Variants in SYNE1 observed in about 807,000 individuals in gnomAD.
The protein encoded by SYNE1 is spectrin repeat containing nuclear envelope protein 1.
A neutral mutation model predicts 1,111.0 loss-of-function variants in SYNE1; 616 were observed. The ratio of observed to expected loss-of-function variants is 0.55; its 90% CI spans 0.52 to 0.59. The LOEUF is 0.59. Among genes scored for constraint, SYNE1 ranks in the 20% least tolerant of loss-of-function variants. SYNE1 has a pLI of 0.00. For synonymous variants in SYNE1, 3,855 were observed against 3,825.8 expected (o/e 1.01, Z -0.28); for missense variants, 10,006 against 10,417.0 (o/e 0.96, Z 1.72).
intron 14 of SYNE1, among the ~76,000 whole-genome samples, chr6:152,480,181 C>A (rs1360531491): frequency 1.3e-5 from 2 of 152,184 alleles, no homozygotes; most frequent in African/African-American, 4.8e-5. Context: ...AATCGAGAGA[C>A]TGAGTTGGTG....
intron 82 of SYNE1, 110 bp downstream of exon 82, chr6:152,323,368 G>A: frequency 1.3e-6 from 2 of 1,499,624 alleles, no homozygotes; most frequent in Non-Finnish European, 1.8e-6. Flanking sequence ...GAACCCGGGA[G>A]GCGGAGCTTG....
At chr6:152,436,168 G>T in intron 32 of SYNE1, 67 bp from the exon 33 acceptor site, 1 of 1,533,964 alleles carries the variant, frequency 6.5e-7, no homozygotes, top group Non-Finnish European at 8.9e-7. Flanking sequence ...CAAATAAAGT[G>T]CACATATTGC....
At chr6:152,536,389 T>TAAATATATATTACTATATATAG (rs1564709644) in intron 4 of SYNE1, among the ~76,000 whole-genome samples, 1 of 84,942 alleles carries the variant, frequency 1.2e-5, no homozygotes, top group Non-Finnish European at 2.9e-5. Flanking sequence ...TATATATATA[T>TAAATATATATTACTATATATAG]TTATATATAT....
intron 137 of SYNE1, chr6:152,145,621 A>C (rs1400567865): frequency 7.0e-7 from 1 of 1,438,668 alleles, no homozygotes; most frequent in Non-Finnish European, 9.8e-7. Flanking sequence ...TTGTGCAGGA[A>C]AATAACTTTC....
At chr6:152,149,954 G>T (rs749868693) in intron 135 of SYNE1, among the ~76,000 whole-genome samples, 1 of 152,010 alleles carries the variant, frequency 6.6e-6, no homozygotes, top group Non-Finnish European at 1.5e-5. Flanking sequence ...GAATAACAGG[G>T]GAAAATATTC....
Position 152,455,911 on chromosome 6 carries a change from A to G in SYNE1, c.2702T>C (p.Ile901Thr). Residue 901 changes from isoleucine (I) to threonine (T), a missense_variant, in exon 23 of 146, where the codon ATT becomes ACT. By Grantham distance (89) the Ile-to-Thr change is moderately conservative. Transcript: ENST00000367255. ...CTGAAAAGCAACATGAATATCTGCA[A>G]TCTGTCTTTGTAGCCTCGTCTGATC... ...HFDQTRLQRQ[I>T]ADIHVAFQSM... The G allele has an allele frequency of 6.2e-7, 1 of 1,614,108 alleles. No individual in the cohort carries two copies. The highest frequency in any genetic ancestry group is 8.5e-7 in the Non-Finnish European group (1 of 1,179,990).
Position 152,255,762 on chromosome 6 carries a change from CA to C in SYNE1, c.19105-17del. 1 of 1,614,088 alleles carries C rather than the reference CA, an allele frequency of 6.2e-7. No homozygotes were observed. The highest frequency in any genetic ancestry group is 1.1e-5 in the South Asian group (1 of 91,084). ...CCCCTCCACTCTGGGAAACACAAAA[CA>C]GGGTCAAATAATCAATTTCAGTGTT... On this transcript the variant is annotated splice_polypyrimidine_tract_variant and intron_variant, in intron 102 of 145. Transcript: ENST00000367255.
At chr6:152,604,380 G>A (rs570206239) in intron 3 of SYNE1, among the ~76,000 whole-genome samples, 462 of 152,110 alleles carry the variant, frequency 3.0e-3, no homozygotes, top group Non-Finnish European at 5.4e-3. Context: ...ACAGCTCACC[G>A]CAGCCTTGAC....
At chr6:152,380,218 G>A (rs573088308) in intron 56 of SYNE1, among the ~76,000 whole-genome samples, 1 of 152,298 alleles carries the variant, frequency 6.6e-6, no homozygotes, top group South Asian at 2.1e-4. Flanking sequence ...TTACTGGCAG[G>A]AGCTATTTTG....
At position 152,231,468 on chromosome 6, in the gene SYNE1, C is replaced by T; in HGVS notation, c.20962G>A (p.Asp6988Asn). 4 of 1,614,142 alleles carry T rather than the reference C, an allele frequency of 2.5e-6. No individual in the cohort carries two copies. The highest frequency in any genetic ancestry group is 3.4e-6 in the Non-Finnish European group (4 of 1,180,038). The change falls in exon 114 of 146, where the codon GAT becomes AAT. Residue 6988 changes from aspartate to asparagine, a missense_variant. By Grantham distance (23) the Asp-to-Asn change is conservative. Transcript: ENST00000367255. ...AGTTGCTCAGCAAAATCAGTCTTAT[C>T]ACTACGCTTACTTTCCACATCCTGA... is the stretch of plus-strand genomic sequence containing the variant. ...SSQDVESKRS[D>N]KTDFAEQLGA...
At chr6:152,233,002 G>A (rs999355637) in intron 112 of SYNE1, among the ~76,000 whole-genome samples, 2 of 152,230 alleles carry the variant, frequency 1.3e-5, no homozygotes, top group African/African-American at 4.8e-5. Flanking sequence ...CTGAAACACA[G>A]TGATGAGTGT....
chr6:152,221,030 C>T lies in SYNE1; in HGVS notation c.21673G>A (p.Glu7225Lys). 2 of 1,614,074 alleles carry T rather than the reference C, an allele frequency of 1.2e-6. No homozygotes were observed. The highest frequency in any genetic ancestry group is 2.2e-5 in the East Asian group (1 of 44,866). ...GACTGTAGCTGCTCAGCAATCTCTT[C>T]CAGCAAGTTATTCCATCTGGAAATA... Reference protein sequence around the residue: ...EVNMRWNNLLEEIAEQLQSSK... With the variant: ...EVNMRWNNLLKEIAEQLQSSK... The change falls in exon 119 of 146, where the codon GAA (glutamate) becomes AAA (lysine). Residue 7225 changes from glutamate (E) to lysine (K), a missense_variant. Glu to Lys is a moderately conservative substitution (Grantham distance 56, BLOSUM62 1). This residue lies in a region of SYNE1 where 2,182 missense variants were observed against 2,287.8 expected (regional missense o/e 0.95). Transcript: ENST00000367255.
chr6:152,615,668 A>T (rs915461013), intron 3 of SYNE1, among the ~76,000 whole-genome samples: 1 of 152,326 alleles, frequency 6.6e-6, no homozygotes, highest in Non-Finnish European at 1.5e-5. Context: ...CATCTTTTAC[A>T]TTAATTTGTT....
Position 152,458,758 on chromosome 6 carries a change from T to C in SYNE1, c.2567A>G (p.Gln856Arg). 2 of 1,614,006 alleles carry C rather than the reference T, an allele frequency of 1.2e-6. No homozygotes were observed. The highest frequency in any genetic ancestry group is 1.7e-6 in the Non-Finnish European group (2 of 1,179,880). The change falls in exon 22 of 146, where the codon CAG becomes CGG. Residue 856 changes from glutamine (Q) to arginine (R), a missense_variant and splice_region_variant. Gln to Arg is a conservative substitution (Grantham distance 43). Coordinates refer to ENST00000367255, the MANE Select transcript of SYNE1 (RefSeq NM_182961.4). ...TCTCCTGAAAAGGATTGTTCTCACC[T>C]GATGTTTTTGTTTAAAAAGGGCACT... ...QSSALFKQKH[Q>R]ELLACQENCK...
intron 3 of SYNE1, among the ~76,000 whole-genome samples, chr6:152,584,984 T>C (rs2099532865): frequency 6.6e-6 from 1 of 152,190 alleles, no homozygotes; most frequent in African/African-American, 2.4e-5. Context: ...CCAAATCTTA[T>C]CTTGAATTGT....
intron 14 of SYNE1, 45 bp downstream of exon 14, chr6:152,483,040 C>G (rs370096304): frequency 6.2e-7 from 1 of 1,612,120 alleles, no homozygotes; most frequent in Non-Finnish European, 8.5e-7. Context: ...CTCCAGACCA[C>G]AGTAGGGCTG....
intron 4 of SYNE1, among the ~76,000 whole-genome samples, chr6:152,527,435 G>A (rs991444056): frequency 5.3e-5 from 8 of 151,972 alleles, no homozygotes; most frequent in African/African-American, 1.5e-4. Flanking sequence ...CACCATTCAC[G>A]CTGCTTCTTA....
intron 126 of SYNE1, among the ~76,000 whole-genome samples, chr6:152,203,483 C>T (rs1297727631): frequency 6.6e-6 from 1 of 152,204 alleles, no homozygotes; most frequent in Non-Finnish European, 1.5e-5. Context: ...CCGTGAATTA[C>T]AGAATTCCAA....
chr6:152,419,149 A>G (rs1301515231), intron 40 of SYNE1, among the ~76,000 whole-genome samples: 1 of 152,226 alleles, frequency 6.6e-6, no homozygotes, highest in East Asian at 1.9e-4. Flanking sequence ...CTCCATATGC[A>G]TAATTTATAA....
Sources: gnomAD v4.1 joint callset for allele counts (sites outside exome capture counted in the v4.1 genomes callset) on GRCh38, gnomAD v4.1.1 for gene constraint, gnomAD v4.1.1 regional missense constraint, MANE v1.5 for transcripts, NCBI Gene and HGNC (gene_info 2026-07-23, HGNC 2026-07-21) for gene names.